The following HERC1 variants were observed in gnomAD, a reference collection of about 807,000 sequenced individuals.
HERC1 encodes probable E3 ubiquitin-protein ligase HERC1.
HERC1 carries 160 observed loss-of-function variants against 554.3 expected under a neutral mutation model. The observed-to-expected ratio is 0.29, with a 90% CI of 0.25 to 0.33. HERC1 has a LOEUF of 0.33. HERC1 is among the 10% of genes least tolerant of loss of function. The pLI is 1.00. For synonymous variants in HERC1, 2,175 were observed against 2,131.7 expected (o/e 1.02, Z -0.56); for missense variants, 4,919 against 5,918.5 (o/e 0.83, Z 5.54).
At chr15:63,807,734 G>A (rs1397447166) in intron 1 of HERC1, among the ~76,000 whole-genome samples, 2 of 152,058 alleles carry the variant, frequency 1.3e-5, no homozygotes, top group Non-Finnish European at 2.9e-5. Flanking sequence ...CTCTAGTCAG[G>A]TAGGAATTCC....
At position 63,654,359 on chromosome 15, in the gene HERC1, CA is replaced by C. The variant is rs753267313; in HGVS notation, c.10085-36del. The C allele has an allele frequency of 3.8e-5, 58 of 1,508,022 alleles. No individual in the cohort carries two copies. The African/African-American group carries it at 7.6e-4, about 20-fold the overall frequency. The allele number at this position is 1,508,022 out of a possible 1,614,324, so 93.4% of individuals were successfully genotyped here. ...AAGGATCATAGGAAGGATGGGCATA[CA>C]ATTGGGCAATTAAACCTGCTTAAAC... is the stretch of plus-strand genomic sequence containing the variant. On this transcript the variant is annotated intron_variant, in intron 50 of 77. Transcript: ENST00000443617.
intron 45 of HERC1, among the ~76,000 whole-genome samples, 158 bp from the exon 46 acceptor site, chr15:63,661,183 G>C (rs546202713): frequency 6.6e-6 from 1 of 152,270 alleles, no homozygotes; most frequent in South Asian, 2.1e-4. Flanking sequence ...AAAACTGCTG[G>C]TATGTAGGTA....
In HERC1 at chr15:63,694,687, A is replaced by T; in HGVS notation, c.5242+87T>A. 6.4e-7 allele frequency: 1 copy of T among 1,561,582 alleles called. No homozygotes were observed. The highest frequency in any genetic ancestry group is 8.8e-7 in the Non-Finnish European group (1 of 1,132,824). ...ACCTATAAGTTTATCTACTAATGTTAAACACAAAATATAGAACATAACTAG... is the reference window on the plus strand; with the variant it reads ...ACCTATAAGTTTATCTACTAATGTTTAACACAAAATATAGAACATAACTAG... On this transcript the variant is annotated intron_variant, in intron 28 of 77. Coordinates refer to ENST00000443617, the MANE Select transcript of HERC1 (RefSeq NM_003922.4). This position sits in a 1 kb window ranked among gnomAD's most constrained non-coding sequence, Gnocchi z 4.3.
intron 1 of HERC1, among the ~76,000 whole-genome samples, chr15:63,799,054 T>C (rs564666918): frequency 6.3e-4 from 96 of 152,334 alleles, no homozygotes; most frequent in African/African-American, 2.2e-3. Flanking sequence ...AACTAGGTCA[T>C]ACTTGCACAT....
intron 25 of HERC1, among the ~76,000 whole-genome samples, chr15:63,701,243 C>A (rs570278151): frequency 9.9e-5 from 15 of 152,060 alleles, no homozygotes; most frequent in African/African-American, 1.2e-4. Context: ...ACATTAATTC[C>A]TTAATTTTAT....
intron 26 of HERC1, among the ~76,000 whole-genome samples, chr15:63,697,450 A>ATTTT (rs35244420): frequency 6.5e-5 from 7 of 108,496 alleles, no homozygotes; most frequent in African/African-American, 2.2e-4. Flanking sequence ...GTTAATCTTG[A>ATTTT]TTTTTTTTTT....
chr15:63,637,843 T>C (rs570076121), intron 63 of HERC1, among the ~76,000 whole-genome samples, 200 bp from the exon 64 acceptor site: 2 of 152,248 alleles, frequency 1.3e-5, no homozygotes, highest in Admixed American at 6.5e-5. Flanking sequence ...AAGAGATGTA[T>C]GAGATTCATC....
intron 37 of HERC1, among the ~76,000 whole-genome samples, chr15:63,676,912 T>TGA (rs2071241022): frequency 6.6e-6 from 1 of 152,106 alleles, no homozygotes; most frequent in South Asian, 2.1e-4. Context: ...TTATGTAGAG[T>TGA]CATTAGACAA....
Position 63,758,142 on chromosome 15 carries a change from T to G in HERC1, c.1221+33A>C. On this transcript the variant is annotated intron_variant, in intron 4 of 77. Coordinates refer to ENST00000443617, the MANE Select transcript of HERC1 (RefSeq NM_003922.4). This position sits in a 1 kb window ranked among gnomAD's most constrained non-coding sequence, Gnocchi z 4.0. ...ATAAGCATGAATATACACCAGATTA[T>G]CTACCAGTTTGTAAGCTATTTAGAA... The G allele has an allele frequency of 6.7e-7, 1 of 1,486,284 alleles. No individual in the cohort carries two copies. The highest frequency in any genetic ancestry group is 9.3e-7 in the Non-Finnish European group (1 of 1,073,674). The allele number at this position is 1,486,284 out of a possible 1,614,324, so 92.1% of individuals were successfully genotyped here. A position where few individuals can be genotyped will look rare whatever the true frequency, so the allele number is the denominator to read the frequency against.
chr15:63,770,333 A>G (rs1387551075), intron 2 of HERC1, among the ~76,000 whole-genome samples: 1 of 152,096 alleles, frequency 6.6e-6, no homozygotes, highest in Non-Finnish European at 1.5e-5. Context: ...TCATCCCATC[A>G]TCTCCTCCCA....
chr15:63,752,886 A>G (rs2075298166), intron 8 of HERC1, 72 bp downstream of exon 8: 2 of 1,325,206 alleles, frequency 1.5e-6, no homozygotes, highest in Admixed American at 2.3e-5. Flanking sequence ...AAATTTAAAT[A>G]CAAGTATTAC....
chr15:63,698,393 G>A (rs902507941), intron 26 of HERC1, among the ~76,000 whole-genome samples: 1 of 149,876 alleles, frequency 6.7e-6, no homozygotes, highest in Non-Finnish European at 1.5e-5. Context: ...ACTACAGCCT[G>A]GGCAACGAGA....
chr15:63,756,711 G>A lies in HERC1; in HGVS notation c.1259C>T (p.Thr420Met), dbSNP rs201387092. ...CCCGCAAGCTCTAACAGAGCCATCC[G>A]TAGAAATGACAAAAGTGCAGTACTG... ...AGQYCTFVIS[T>M]DGSVRACGKG... Residue 420 changes from threonine to methionine, a missense_variant, in exon 5 of 78, where the codon ACG becomes ATG. Thr to Met is a moderately conservative substitution (Grantham distance 81). Transcript: ENST00000443617. This position sits in a 1 kb window ranked among gnomAD's most constrained non-coding sequence, Gnocchi z 5.0. 1.6e-4 allele frequency: 265 copies of A among 1,611,356 alleles called. No individual in the cohort carries two copies. In the African/African-American group the frequency reaches 2.8e-3, roughly 17 times the overall value.
At chr15:63,632,902 C>A in intron 67 of HERC1, 91 bp from the exon 68 acceptor site, 1 of 811,676 alleles carries the variant, frequency 1.2e-6, no homozygotes, top group Non-Finnish European at 2.0e-6. Context: ...AACTACCTTC[C>A]AACAAAAATA....
In HERC1 at chr15:63,630,566, G is replaced by C. The variant is rs2068503243; in HGVS notation, c.12866C>G (p.Ala4289Gly). The part of the protein sequence containing the change: ...HNRPQQIPVL[A>G]GVIIEDVAVG... ...TGCCACATCTTCTATGATTACTCCA[G>C]CCAGGACAGGGATTTGTTGCGGTCG... The change falls in exon 69 of 78, where the codon GCT becomes GGT. Residue 4289 changes from alanine to glycine, a missense_variant. Ala to Gly is a moderately conservative substitution (Grantham distance 60, BLOSUM62 0). Transcript: ENST00000443617. The C allele has an allele frequency of 2.5e-6, 4 of 1,614,058 alleles. No homozygotes were observed. Among genetic ancestry groups the C allele is most frequent in the Non-Finnish European group, 3.4e-6 (4 of 1,179,902 alleles).
chr15:63,689,513 G>C, intron 33 of HERC1, 76 bp downstream of exon 33: 1 of 758,236 alleles, frequency 1.3e-6, no homozygotes, highest in African/African-American at 1.8e-5. Flanking sequence ...TGCCTCAGAG[G>C]AACAGGCATT....
rs2071282658 is a variant in HERC1 at position 63,677,796 on chromosome 15, T to G, written c.7070+49A>C. 6.4e-7 allele frequency: 1 copy of G among 1,566,348 alleles called. No homozygotes were observed. Among genetic ancestry groups the G allele is most frequent in the Non-Finnish European group, 8.7e-7 (1 of 1,154,230 alleles). ...TCACTGTCGACAGGCAATGGCCTAT[T>G]TCACCATTAAATATTTGTTTGCTAA... On this transcript the variant is annotated intron_variant, in intron 37 of 77. Transcript: ENST00000443617. This position sits in a 1 kb window ranked among gnomAD's most constrained non-coding sequence, Gnocchi z 4.4.
In HERC1 at chr15:63,775,762, G is replaced by T; in HGVS notation, c.-26-113C>A. 1.3e-6 allele frequency: 1 copy of T among 766,204 alleles called. No homozygotes were observed. Among genetic ancestry groups the T allele is most frequent in the Non-Finnish European group, 2.1e-6 (1 of 487,078 alleles). 47.5% of individuals were successfully genotyped at this position (766,204 alleles called of 1,614,324 possible). On this transcript the variant is annotated intron_variant, in intron 1 of 77. Transcript: ENST00000443617. The surrounding 1 kb of genome is among the most constrained non-coding windows in gnomAD (Gnocchi z 4.0). ...TTTCAAACTGGTGAAATGCAGCCGG[G>T]TGCGGTGGCTCACGCCTGTAATCCC... is the stretch of plus-strand genomic sequence containing the variant.
At chr15:63,791,403 T>C (rs769824754) in intron 1 of HERC1, among the ~76,000 whole-genome samples, 1 of 152,192 alleles carries the variant, frequency 6.6e-6, no homozygotes, top group Non-Finnish European at 1.5e-5. Flanking sequence ...CTGTGTATAT[T>C]CTGAAGATGC....
Sources: gnomAD v4.1 joint callset for allele counts (sites outside exome capture counted in the v4.1 genomes callset) on GRCh38, gnomAD v4.1.1 for gene constraint, Gnocchi (gnomAD v3.1) non-coding constraint, MANE v1.5 for transcripts, NCBI Gene and HGNC (gene_info 2026-07-23, HGNC 2026-07-21) for gene names.